The following STXBP6 variants were observed in gnomAD, a reference collection of about 807,000 sequenced individuals.
STXBP6 encodes syntaxin-binding protein 6.
A neutral mutation model predicts 26.9 loss-of-function variants in STXBP6; 21 were observed. The observed-to-expected ratio is 0.78, with a 90% confidence interval of 0.55 to 1.12. STXBP6 has a LOEUF of 1.12. STXBP6 is among the 50% of genes most tolerant of loss of function. The probability of loss-of-function intolerance (pLI) is 0.00; values close to 1 mark genes in which losing one functional copy is unlikely to be tolerated. For synonymous variants in STXBP6, 97 were observed against 92.6 expected (o/e 1.05, Z -0.27); for missense variants, 232 against 257.9 (o/e 0.90, Z 0.69).
intron 1 of STXBP6, among the ~76,000 whole-genome samples, chr14:24,983,546 T>C (rs1032999105): frequency 3.9e-5 from 6 of 152,232 alleles, no homozygotes; most frequent in African/African-American, 1.2e-4. Context: ...TAAACCCATA[T>C]ATGAAAGGAA....
Position 25,049,163 on chromosome 14 carries a change from T to C in STXBP6, c.-33+715A>G, listed in dbSNP as rs2075768094. The stretch of plus-strand genomic sequence containing the variant: ...GGTGGGGTGGTGAGGTGGCGGGGTG[T>C]TGTAAACCTGAGGAAAGGTTGGAGG... On this transcript the variant is annotated intron_variant, in intron 1 of 5. Coordinates refer to ENST00000323944, the MANE Select transcript of STXBP6 (RefSeq NM_001394410.1). The surrounding 1 kb of genome is among the most constrained non-coding windows in gnomAD (Gnocchi z 5.6). 2.0e-6 allele frequency: 2 copies of C among 985,450 alleles called. No individual in the cohort carries two copies. Among genetic ancestry groups the C allele is most frequent in the Non-Finnish European group, 2.4e-6 (2 of 830,020 alleles). The allele number at this position is 985,450 out of a possible 1,614,324, so 61.0% of individuals were successfully genotyped here.
intron 1 of STXBP6, among the ~76,000 whole-genome samples, chr14:25,027,689 C>T (rs1426423424): frequency 6.6e-6 from 1 of 152,162 alleles, no homozygotes; most frequent in African/African-American, 2.4e-5. Flanking sequence ...AAGCTAGAAA[C>T]GATTACGCTT....
chr14:24,995,309 A>C (rs571499378), intron 1 of STXBP6, among the ~76,000 whole-genome samples: 3 of 152,182 alleles, frequency 2.0e-5, no homozygotes, highest in Non-Finnish European at 4.4e-5. Context: ...CACTTTCTGC[A>C]ACCATCATAT....
At chr14:24,833,674 G>A (rs2068524956) in intron 4 of STXBP6, among the ~76,000 whole-genome samples, 1 of 152,148 alleles carries the variant, frequency 6.6e-6, no homozygotes, top group African/African-American at 2.4e-5. Flanking sequence ...TCTGGACATG[G>A]CAAATAAAAT....
chr14:24,938,616 A>G (rs1158888653), intron 2 of STXBP6, among the ~76,000 whole-genome samples: 2 of 151,574 alleles, frequency 1.3e-5, no homozygotes, highest in African/African-American at 4.8e-5. Context: ...AAAGGCCCAC[A>G]AAACAAAGTT....
At chr14:24,819,585 G>T in intron 4 of STXBP6, 1 of 431,856 alleles carries the variant, frequency 2.3e-6, no homozygotes, top group African/African-American at 2.0e-5. Flanking sequence ...AGACATATCT[G>T]GATCTTATGT....
chr14:24,901,888 T>A (rs1007945025), intron 2 of STXBP6, among the ~76,000 whole-genome samples: 4 of 152,074 alleles, frequency 2.6e-5, no homozygotes, highest in Non-Finnish European at 5.9e-5. Context: ...ATAAAAGAGG[T>A]TCCTGGGATG....
chr14:24,883,389 T>C (rs541087136), intron 2 of STXBP6, among the ~76,000 whole-genome samples: 11 of 152,214 alleles, frequency 7.2e-5, no homozygotes, highest in Non-Finnish European at 1.2e-4. Context: ...TCATTCAGAT[T>C]TCCTTAGTCT....
intron 1 of STXBP6, among the ~76,000 whole-genome samples, chr14:25,027,231 C>T (rs2075366015): frequency 6.6e-6 from 1 of 152,114 alleles, no homozygotes; most frequent in Admixed American, 6.5e-5. Flanking sequence ...TGTGGCAGCC[C>T]AGTGTGAAGC....
intron 1 of STXBP6, among the ~76,000 whole-genome samples, chr14:24,999,471 T>C (rs1396162474): frequency 6.6e-6 from 1 of 151,996 alleles, no homozygotes. Context: ...ATCTAGGATA[T>C]AAAAAAAGAT....
chr14:24,893,300 T>C (rs2070860124), intron 2 of STXBP6, among the ~76,000 whole-genome samples: 1 of 152,202 alleles, frequency 6.6e-6, no homozygotes, highest in Non-Finnish European at 1.5e-5. Context: ...TCTGCATATA[T>C]TAACTTATTT....
At chr14:24,994,415 C>A (rs993534790) in intron 1 of STXBP6, among the ~76,000 whole-genome samples, 1 of 152,260 alleles carries the variant, frequency 6.6e-6, no homozygotes, top group Admixed American at 6.5e-5. Flanking sequence ...ACTTCCTTCT[C>A]CCTCATGCAC....
Position 24,843,395 on chromosome 14 carries a change from T to C in STXBP6, c.451+12541A>G, listed in dbSNP as rs983321647. ...TTCTCTACTTCCATTAACTCCTGTG[T>C]CCAGGGAGAAATCAGGTTCTATACA... On this transcript the variant is annotated intron_variant, in intron 4 of 5. Coordinates refer to ENST00000323944, the MANE Select transcript of STXBP6 (RefSeq NM_001394410.1). Among the ~76,000 whole-genome samples, 8 of 152,268 alleles carry C rather than the reference T, an allele frequency of 5.3e-5. 2 individuals carry two copies. Among genetic ancestry groups the C allele is most frequent in the Admixed American group, 3.9e-4 (6 of 15,294 alleles).
chr14:24,991,028 G>A (rs1262431246), intron 1 of STXBP6, among the ~76,000 whole-genome samples: 1 of 151,298 alleles, frequency 6.6e-6, no homozygotes, highest in Non-Finnish European at 1.5e-5. Flanking sequence ...AAAGAGAAGA[G>A]AGACAGAAGA....
intron 4 of STXBP6, among the ~76,000 whole-genome samples, chr14:24,847,192 T>C (rs1191299762): frequency 6.6e-6 from 1 of 152,188 alleles, no homozygotes; most frequent in African/African-American, 2.4e-5. Context: ...TTAGCTGTGT[T>C]ATTGTTCTTG....
intron 2 of STXBP6, among the ~76,000 whole-genome samples, chr14:24,921,643 G>C (rs2071981485): frequency 1.3e-5 from 2 of 152,082 alleles, no homozygotes; most frequent in African/African-American, 4.8e-5. Context: ...TAAAAGGCTT[G>C]TTGCTGTTAT....
At chr14:24,983,734 G>C (rs1301734279) in intron 1 of STXBP6, among the ~76,000 whole-genome samples, 1 of 152,124 alleles carries the variant, frequency 6.6e-6, no homozygotes, top group Non-Finnish European at 1.5e-5. Context: ...TTAGATATTT[G>C]TTGACTCAAG....
chr14:24,944,418 C>T (rs1187840159), intron 2 of STXBP6, among the ~76,000 whole-genome samples: 1 of 152,162 alleles, frequency 6.6e-6, no homozygotes, highest in Non-Finnish European at 1.5e-5. Flanking sequence ...AAAGCCCTTA[C>T]CCCATCAGAC....
At chr14:24,872,213 G>A (rs753808912) in intron 2 of STXBP6, among the ~76,000 whole-genome samples, 1 of 151,954 alleles carries the variant, frequency 6.6e-6, no homozygotes, top group African/African-American at 2.4e-5. Flanking sequence ...AATCCAAATG[G>A]GTCTCAGAAG....
Sources: allele counts gnomAD v4.1 joint callset (sites outside exome capture counted in the v4.1 genomes callset), GRCh38; gene constraint gnomAD v4.1.1; non-coding constraint Gnocchi (gnomAD v3.1); transcripts MANE v1.5; gene names NCBI Gene and HGNC (gene_info 2026-07-23, HGNC 2026-07-21).